LIN28B: variants seen among roughly 807,000 people sequenced by gnomAD.
The protein encoded by LIN28B is protein lin-28 homolog B.
LIN28B carries 5 observed loss-of-function variants against 21.9 expected under a neutral mutation model. The ratio of observed to expected loss-of-function variants is 0.23; its 90% CI spans 0.12 to 0.48. LIN28B has a LOEUF of 0.48. Ranked by LOEUF, LIN28B falls within the 20% of genes least tolerant of loss-of-function variation. The pLI, the probability that LIN28B is intolerant of heterozygous loss-of-function variation, is 0.98. For synonymous variants in LIN28B, 109 were observed against 111.3 expected (o/e 0.98, Z 0.13); for missense variants, 245 against 310.5 (o/e 0.79, Z 1.58).
upstream of LIN28B, among the ~76,000 whole-genome samples, chr6:104,954,852 A>C (rs1056960999): frequency 6.6e-6 from 1 of 152,184 alleles, no homozygotes; most frequent in Non-Finnish European, 1.5e-5. Context: ...AATTTCATCA[A>C]ATTTAACAAT....
chr6:105,049,657 A>G (rs1420856705), intron 3 of LIN28B, among the ~76,000 whole-genome samples: 1 of 151,912 alleles, frequency 6.6e-6, no homozygotes, highest in African/African-American at 2.4e-5. Context: ...GTAGTTCTCT[A>G]AGGACTTGCT....
chr6:105,055,942 G>A (rs1340240446), intron 3 of LIN28B, among the ~76,000 whole-genome samples: 1 of 90,930 alleles, frequency 1.1e-5, no homozygotes, highest in Non-Finnish European at 2.4e-5. Flanking sequence ...TTTTTTTTTG[G>A]GTAGAGACTG....
chr6:105,043,379 T>G (rs1461146636), intron 3 of LIN28B, among the ~76,000 whole-genome samples: 2 of 107,138 alleles, frequency 1.9e-5, no homozygotes, highest in Non-Finnish European at 1.9e-5. Context: ...AAAAGAAAAC[T>G]AAAACTATAC....
At chr6:105,065,745 G>T (rs956969945) in intron 3 of LIN28B, among the ~76,000 whole-genome samples, 3 of 152,212 alleles carry the variant, frequency 2.0e-5, no homozygotes, top group Non-Finnish European at 2.9e-5. Context: ...ACACATTTTG[G>T]TTAAATCATA....
intron 3 of LIN28B, among the ~76,000 whole-genome samples, chr6:105,037,525 T>C (rs1771545065): frequency 6.7e-6 from 1 of 148,610 alleles, no homozygotes; most frequent in South Asian, 2.2e-4. Context: ...CCTCTCTTTT[T>C]TTTTTGAGAC....
At chr6:105,002,797 G>C (rs1770744570) in intron 2 of LIN28B, among the ~76,000 whole-genome samples, 1 of 152,168 alleles carries the variant, frequency 6.6e-6, no homozygotes, top group South Asian at 2.1e-4. Context: ...GTATATTACA[G>C]TGAGAATAGA....
At chr6:105,057,217 G>A (rs1772038075) in intron 3 of LIN28B, among the ~76,000 whole-genome samples, 1 of 152,084 alleles carries the variant, frequency 6.6e-6, no homozygotes, top group Non-Finnish European at 1.5e-5. Flanking sequence ...TCTTGTATTA[G>A]TTTTTGTTTT....
At chr6:105,066,130 G>A (rs1440797419) in intron 3 of LIN28B, among the ~76,000 whole-genome samples, 1 of 152,184 alleles carries the variant, frequency 6.6e-6, no homozygotes. Flanking sequence ...CTGTGATGGT[G>A]CCATTGCACT....
intron 3 of LIN28B, among the ~76,000 whole-genome samples, chr6:105,046,716 G>T (rs1223956378): frequency 6.6e-6 from 1 of 152,102 alleles, no homozygotes; most frequent in Non-Finnish European, 1.5e-5. Context: ...ATTCTAACTG[G>T]TGTGAGATGG....
intron 2 of LIN28B, among the ~76,000 whole-genome samples, chr6:104,986,532 CAAAAA>C (rs71003463): frequency 2.9e-5 from 4 of 139,888 alleles, no homozygotes; most frequent in South Asian, 2.3e-4. Flanking sequence ...TCATTTCTAC[CAAAAA>C]AAAAAAAAAA....
At chr6:104,947,066 TGTA>T (rs773363483) in intron 2 of LIN28B, among the ~76,000 whole-genome samples, 2 of 152,162 alleles carry the variant, frequency 1.3e-5, no homozygotes, top group South Asian at 2.1e-4. Flanking sequence ...TAATATGTAA[TGTA>T]GTAGTAATTT....
chr6:105,038,707 T>G (rs892055332), intron 3 of LIN28B, among the ~76,000 whole-genome samples: 2 of 152,200 alleles, frequency 1.3e-5, no homozygotes, highest in Admixed American at 1.3e-4. Flanking sequence ...TGGGAAAAGA[T>G]ATTTCCAGTG....
At chr6:105,046,542 T>TG (rs1004364408) in intron 3 of LIN28B, among the ~76,000 whole-genome samples, 1 of 152,352 alleles carries the variant, frequency 6.6e-6, no homozygotes, top group Non-Finnish European at 1.5e-5. Context: ...AGTAATGGGA[T>TG]GGCTAGGTCA....
At chr6:104,966,705 T>C (rs973410871) in intron 2 of LIN28B, among the ~76,000 whole-genome samples, 5 of 149,340 alleles carry the variant, frequency 3.3e-5, no homozygotes, top group Non-Finnish European at 7.4e-5. Context: ...CACTGCAAGC[T>C]CCGCCTCCCA....
intron 3 of LIN28B, among the ~76,000 whole-genome samples, chr6:105,054,377 C>T (rs895094976): frequency 6.6e-6 from 1 of 152,196 alleles, no homozygotes; most frequent in Non-Finnish European, 1.5e-5. Context: ...TGGTGTCATT[C>T]TCTGTGCTAT....
At chr6:105,006,790 A>G (rs1415381091) in intron 2 of LIN28B, among the ~76,000 whole-genome samples, 2 of 152,176 alleles carry the variant, frequency 1.3e-5, no homozygotes, top group African/African-American at 4.8e-5. Flanking sequence ...TGAAGCAGGA[A>G]AGGGGATACA....
intron 2 of LIN28B, among the ~76,000 whole-genome samples, chr6:104,974,001 A>G (rs1044844717): frequency 3.3e-5 from 5 of 152,216 alleles, no homozygotes; most frequent in South Asian, 4.1e-4. Flanking sequence ...ACTGTACATC[A>G]TTTGTCATCT....
intron 2 of LIN28B, among the ~76,000 whole-genome samples, chr6:104,997,303 AAAAG>A (rs1034708906): frequency 1.6e-5 from 2 of 123,086 alleles, no homozygotes; most frequent in Admixed American, 1.6e-4. Flanking sequence ...AAAGAAAAGA[AAAAG>A]AAAAGAAAAA....
chr6:104,944,162 A>C (rs1267631792), intron 2 of LIN28B, among the ~76,000 whole-genome samples: 1 of 152,128 alleles, frequency 6.6e-6, no homozygotes, highest in Non-Finnish European at 1.5e-5. Context: ...GTTGAATTGG[A>C]ATCATCAGAA....
Sources: allele counts gnomAD v4.1 joint callset (sites outside exome capture counted in the v4.1 genomes callset), GRCh38; gene constraint gnomAD v4.1.1; transcripts MANE v1.5; gene names NCBI Gene and HGNC (gene_info 2026-07-23, HGNC 2026-07-21).